ABCB1: variants seen among roughly 807,000 people sequenced by gnomAD.
ABCB1 encodes ATP binding cassette subfamily B member 1, also known as ATP-dependent translocase ABCB1.
A neutral mutation model predicts 142.0 loss-of-function variants in ABCB1; 69 were observed. The observed-to-expected ratio is 0.49, with a 90% confidence interval of 0.40 to 0.59. The LOEUF is 0.59. Among genes scored for constraint, ABCB1 ranks in the 20% least tolerant of loss-of-function variants. The pLI, the probability that ABCB1 is intolerant of heterozygous loss-of-function variation, is 0.00. For missense variants in ABCB1, 1,326 were observed against 1,554.7 expected, an observed-to-expected ratio of 0.85 and a Z score of 2.47; for synonymous variants, 532 against 539.2, an observed-to-expected ratio of 0.99 and a Z score of 0.18.
In ABCB1 at chr7:87,544,974, T is replaced by G. The variant is rs1480244258; in HGVS notation, c.1913A>C (p.Glu638Ala). The change falls in exon 16 of 28, where the codon GAA becomes GCA. Residue 638 changes from glutamate to alanine, a missense_variant. Physicochemically the swap from Glu to Ala is moderately radical, Grantham distance 107 (BLOSUM62 -1). Coordinates refer to ENST00000622132, the MANE Select transcript of ABCB1 (RefSeq NM_001348946.2). The part of the protein sequence containing the change: ...MQTAGNEVEL[E>A]NAADESKSEI... ...ACTTTTGGATTCATCAGCTGCATTTTCTAATTCAACTTCATTTCCTGCTGT... is the reference window on the plus strand; with the variant it reads ...ACTTTTGGATTCATCAGCTGCATTTGCTAATTCAACTTCATTTCCTGCTGT... The G allele has an allele frequency of 1.2e-6, 2 of 1,613,884 alleles. No homozygotes were observed. Among genetic ancestry groups the G allele is most frequent in the East Asian group, 2.2e-5 (1 of 44,878 alleles).
chr7:87,632,244 A>G (rs960480012), intron 1 of ABCB1, among the ~76,000 whole-genome samples: 3 of 152,200 alleles, frequency 2.0e-5, no homozygotes, highest in Non-Finnish European at 2.9e-5. Context: ...TTATGTGAGT[A>G]CACAATTCTT....
At position 87,580,609 on chromosome 7, in the gene ABCB1, A is replaced by G. The variant is rs183596670; in HGVS notation, c.286+4903T>C. On this transcript the variant is annotated intron_variant, in intron 4 of 27. Coordinates refer to ENST00000622132, the MANE Select transcript of ABCB1 (RefSeq NM_001348946.2). ...TGATATCTTTCTTTAGGCTTGGGAA[A>G]TTCTGTGTTATTACCCTTTTAAATA... Among the ~76,000 whole-genome samples, 17 of 152,252 alleles carry G rather than the reference A, an allele frequency of 1.1e-4. No homozygotes were observed. The East Asian group carries it at 2.9e-3, about 26-fold the overall frequency.
chr7:87,519,144 TC>T, intron 23 of ABCB1, among the ~76,000 whole-genome samples, 181 bp downstream of exon 23: 1 of 152,156 alleles, frequency 6.6e-6, no homozygotes, highest in East Asian at 1.9e-4. Context: ...AAGTTACTGC[TC>T]CTCCAAATGA....
At chr7:87,571,864 G>A (rs890229199) in intron 4 of ABCB1, among the ~76,000 whole-genome samples, 3 of 152,118 alleles carry the variant, frequency 2.0e-5, no homozygotes, top group Non-Finnish European at 4.4e-5. Flanking sequence ...TACCCATAAG[G>A]ACAGGCCAGC....
At chr7:87,547,154 G>A (rs1465850180) in intron 14 of ABCB1, among the ~76,000 whole-genome samples, 2 of 151,998 alleles carry the variant, frequency 1.3e-5, no homozygotes, top group Admixed American at 6.5e-5. Context: ...CTAATAACTA[G>A]CAATACAATT....
At chr7:87,664,866 C>A (rs1341080875) in intron 1 of ABCB1, among the ~76,000 whole-genome samples, 1 of 152,072 alleles carries the variant, frequency 6.6e-6, no homozygotes, top group East Asian at 1.9e-4. Context: ...TTTATAGATT[C>A]AAGAAGCTTA....
intron 1 of ABCB1, among the ~76,000 whole-genome samples, chr7:87,703,264 T>C (rs1196497556): frequency 6.6e-6 from 1 of 152,124 alleles, no homozygotes; most frequent in Non-Finnish European, 1.5e-5. Context: ...TTTTTTTTTC[T>C]TTTGGAAAAT....
At chr7:87,598,136 A>G (rs1486275559) in intron 2 of ABCB1, among the ~76,000 whole-genome samples, 1 of 152,170 alleles carries the variant, frequency 6.6e-6, no homozygotes, top group African/African-American at 2.4e-5. Flanking sequence ...CTATCTTATT[A>G]ATCATTTTGA....
At chr7:87,620,940 CA>C (rs1191375981) in intron 1 of ABCB1, among the ~76,000 whole-genome samples, 2 of 151,748 alleles carry the variant, frequency 1.3e-5, no homozygotes, top group Non-Finnish European at 2.9e-5. Context: ...CCTACTCATA[CA>C]AAAAACCTTA....
upstream of ABCB1, among the ~76,000 whole-genome samples, chr7:87,601,301 G>C (rs34762047): frequency 6.6e-6 from 1 of 152,132 alleles, no homozygotes; most frequent in Non-Finnish European, 1.5e-5. Context: ...CTTTGAAAAG[G>C]CTAGGAGAAA....
chr7:87,506,690 G>T (rs1271600282), intron 26 of ABCB1, among the ~76,000 whole-genome samples: 1 of 152,176 alleles, frequency 6.6e-6, no homozygotes, highest in East Asian at 1.9e-4. Flanking sequence ...TCACTATGAT[G>T]ATAGGGACAG....
At chr7:87,650,755 C>A (rs1823491854) in intron 1 of ABCB1, 3 of 919,644 alleles carry the variant, frequency 3.3e-6, no homozygotes, top group Non-Finnish European at 5.4e-6. Flanking sequence ...TGCCTTCCTC[C>A]CATTTTTTTC....
At chr7:87,572,231 A>G (rs1818086129) in intron 4 of ABCB1, among the ~76,000 whole-genome samples, 1 of 152,206 alleles carries the variant, frequency 6.6e-6, no homozygotes, top group Non-Finnish European at 1.5e-5. Flanking sequence ...TGTCACTACC[A>G]AATGAAGACC....
chr7:87,534,250 G>C (rs1816183243), intron 20 of ABCB1, among the ~76,000 whole-genome samples: 1 of 152,188 alleles, frequency 6.6e-6, no homozygotes, highest in Non-Finnish European at 1.5e-5. Context: ...CGTCAAATGT[G>C]ATGCGGGATA....
At chr7:87,594,669 A>C (rs555745540) in intron 3 of ABCB1, among the ~76,000 whole-genome samples, 116 of 152,336 alleles carry the variant, frequency 7.6e-4, no homozygotes, top group African/African-American at 2.6e-3. Flanking sequence ...TCAAGTACAT[A>C]GTCTCATCTC....
chr7:87,627,361 A>G (rs576593628), intron 1 of ABCB1, among the ~76,000 whole-genome samples: 39 of 152,346 alleles, frequency 2.6e-4, no homozygotes, highest in Admixed American at 9.1e-4. Context: ...TGAAAGATAC[A>G]TGGATTTTGG....
intron 1 of ABCB1, among the ~76,000 whole-genome samples, chr7:87,686,170 T>A (rs1315909076): frequency 6.6e-6 from 1 of 152,226 alleles, no homozygotes; most frequent in Non-Finnish European, 1.5e-5. Context: ...TCTTACAATT[T>A]TTCTATTCTC....
intron 3 of ABCB1, among the ~76,000 whole-genome samples, chr7:87,591,427 G>T (rs1818996764): frequency 6.6e-6 from 1 of 152,198 alleles, no homozygotes; most frequent in South Asian, 2.1e-4. Context: ...GCAGGGCAGA[G>T]CTGGAAGGAA....
intron 1 of ABCB1, among the ~76,000 whole-genome samples, chr7:87,660,313 C>G (rs1824558689): frequency 6.6e-6 from 1 of 151,918 alleles, no homozygotes; most frequent in Non-Finnish European, 1.5e-5. Context: ...TTGTTGATTT[C>G]TTTGATGTTA....
Sources: gnomAD v4.1 joint callset for allele counts (sites outside exome capture counted in the v4.1 genomes callset) on GRCh38, gnomAD v4.1.1 for gene constraint, MANE v1.5 for transcripts, NCBI Gene and HGNC (gene_info 2026-07-23, HGNC 2026-07-21) for gene names.